DPYD: variants seen among roughly 807,000 people sequenced by gnomAD.
The protein encoded by DPYD is dihydropyrimidine dehydrogenase.
A neutral mutation model predicts 116.2 loss-of-function variants in DPYD; 109 were observed. The observed-to-expected ratio is 0.94, with a 90% confidence interval of 0.80 to 1.10. The LOEUF (loss-of-function observed/expected upper bound fraction) is 1.10. Ranked by LOEUF, DPYD falls within the 50% of genes least tolerant of loss-of-function variation. The pLI, the probability that DPYD is intolerant of heterozygous loss-of-function variation, is 0.00. For missense variants in DPYD, 1,302 were observed against 1,254.5 expected, an observed-to-expected ratio of 1.04 and a Z score of -0.57; for synonymous variants, 440 against 432.0, an observed-to-expected ratio of 1.02 and a Z score of -0.23.
At chr1:97,573,507 A>G (rs1653050313) in intron 11 of DPYD, among the ~76,000 whole-genome samples, 1 of 152,154 alleles carries the variant, frequency 6.6e-6, no homozygotes. Flanking sequence ...ATCATTATAG[A>G]GTAGAATATG....
chr1:97,549,160 C>A (rs1376650994), intron 12 of DPYD, among the ~76,000 whole-genome samples: 1 of 151,820 alleles, frequency 6.6e-6, no homozygotes, highest in Non-Finnish European at 1.5e-5. Context: ...TTGACCTCCT[C>A]AGCTCAAGAG....
At chr1:97,148,920 T>C (rs1173083312) in intron 20 of DPYD, among the ~76,000 whole-genome samples, 1 of 152,222 alleles carries the variant, frequency 6.6e-6, no homozygotes, top group African/African-American at 2.4e-5. Context: ...TAATAGAAAA[T>C]ACCTGCATCA....
chr1:97,778,155 CA>C (rs11434465), intron 3 of DPYD, among the ~76,000 whole-genome samples: 21 of 11,036 alleles, frequency 1.9e-3, no homozygotes, highest in African/African-American at 5.3e-3. Context: ...AAGACCCTGT[CA>C]AAAAAAAAAA....
intron 8 of DPYD, among the ~76,000 whole-genome samples, chr1:97,678,890 C>T (rs1185835939): frequency 6.6e-6 from 1 of 151,938 alleles, no homozygotes; most frequent in African/African-American, 2.4e-5. Flanking sequence ...AACATCTTGC[C>T]GAAATCTCTC....
intron 12 of DPYD, among the ~76,000 whole-genome samples, chr1:97,519,080 A>G (rs1648451514): frequency 6.6e-6 from 1 of 152,194 alleles, no homozygotes; most frequent in South Asian, 2.1e-4. Context: ...TTTCAATAAT[A>G]AATACAAGTT....
At chr1:97,143,908 G>C (rs757975948) in intron 20 of DPYD, among the ~76,000 whole-genome samples, 136 of 152,096 alleles carry the variant, frequency 8.9e-4, no homozygotes, top group Non-Finnish European at 1.5e-3. Context: ...GTGTCATCAA[G>C]AAGAGTTGTT....
chr1:97,554,780 C>A (rs981971873), intron 11 of DPYD, among the ~76,000 whole-genome samples: 4 of 152,092 alleles, frequency 2.6e-5, no homozygotes, highest in African/African-American at 9.7e-5. Context: ...GTACTTTAAT[C>A]AGTATGCTCT....
rs185267721 is a variant in DPYD, at chr1:97,914,711, C to T, written c.39+6173G>A. Among the ~76,000 whole-genome samples the T allele has an allele frequency of 4.0e-3, 616 of 152,206 alleles. 9 individuals carry two copies. Among genetic ancestry groups the T allele is most frequent in the African/African-American group, 0.014 (591 of 41,538 alleles). On this transcript the variant is annotated intron_variant, in intron 1 of 22. Transcript: ENST00000370192. ...AACTTACACCAGTGGGCTCGCAGTA[C>T]AACAGGTACTAAAAACATATTTTTA...
At chr1:97,766,929 G>A (rs747030262) in intron 3 of DPYD, among the ~76,000 whole-genome samples, 9 of 152,142 alleles carry the variant, frequency 5.9e-5, no homozygotes, top group East Asian at 1.9e-4. Context: ...GATAGACTAC[G>A]AAGGTCATCA....
At chr1:97,188,806 C>G (rs147330370) in intron 20 of DPYD, among the ~76,000 whole-genome samples, 1 of 152,032 alleles carries the variant, frequency 6.6e-6, no homozygotes, top group African/African-American at 2.4e-5. Context: ...TGTTCTAGGC[C>G]GTCAAGAAGC....
intron 18 of DPYD, among the ~76,000 whole-genome samples, chr1:97,294,167 G>C (rs1349367851): frequency 4.6e-5 from 7 of 152,050 alleles, no homozygotes; most frequent in Non-Finnish European, 1.0e-4. Context: ...AGACTAATTA[G>C]GAACATTCCT....
At chr1:97,491,883 A>G (rs2101905691) in intron 13 of DPYD, among the ~76,000 whole-genome samples, 1 of 152,086 alleles carries the variant, frequency 6.6e-6, no homozygotes, top group South Asian at 2.1e-4. Flanking sequence ...TCTCCAACCA[A>G]CTTCCGGGGT....
chr1:97,168,798 C>G (rs990812744), intron 20 of DPYD, among the ~76,000 whole-genome samples: 1 of 151,992 alleles, frequency 6.6e-6, no homozygotes. Flanking sequence ...AGGCACTACA[C>G]CTGACTATGC....
intron 13 of DPYD, among the ~76,000 whole-genome samples, chr1:97,470,044 T>C (rs1358476728): frequency 1.3e-5 from 2 of 152,186 alleles, no homozygotes; most frequent in African/African-American, 2.4e-5. Flanking sequence ...GTTGATGTTA[T>C]TGAGAGGAAT....
chr1:97,307,525 G>A (rs1249364159), intron 16 of DPYD, among the ~76,000 whole-genome samples: 2 of 151,756 alleles, frequency 1.3e-5, no homozygotes, highest in African/African-American at 4.8e-5. Flanking sequence ...GCATTTTTGT[G>A]CTAAGATACT....
chr1:97,360,688 A>G (rs551763925), intron 16 of DPYD, among the ~76,000 whole-genome samples: 1 of 152,170 alleles, frequency 6.6e-6, no homozygotes, highest in African/African-American at 2.4e-5. Context: ...ACTGAACAAC[A>G]TGCTCCTGAA....
intron 4 of DPYD, among the ~76,000 whole-genome samples, chr1:97,739,686 C>T (rs990550639): frequency 2.6e-5 from 4 of 152,058 alleles, no homozygotes; most frequent in Admixed American, 2.0e-4. Context: ...AGACATTGTT[C>T]AGCCTTTGCT....
chr1:97,490,161 G>A (rs1678886810), intron 13 of DPYD, among the ~76,000 whole-genome samples: 1 of 151,690 alleles, frequency 6.6e-6, no homozygotes, highest in Non-Finnish European at 1.5e-5. Flanking sequence ...CATAATAAAT[G>A]CACCATAAGC....
chr1:97,313,214 A>G (rs1667616783), intron 16 of DPYD, among the ~76,000 whole-genome samples: 1 of 151,958 alleles, frequency 6.6e-6, no homozygotes, highest in African/African-American at 2.4e-5. Flanking sequence ...TGTTGAATTG[A>G]TAGAGCCTAC....
Sources: gnomAD v4.1 joint callset for allele counts (sites outside exome capture counted in the v4.1 genomes callset) on GRCh38, gnomAD v4.1.1 for gene constraint, MANE v1.5 for transcripts, NCBI Gene and HGNC (gene_info 2026-07-23, HGNC 2026-07-21) for gene names.